PIWIL3: variants seen among roughly 807,000 people sequenced by gnomAD.
PIWIL3 encodes the protein piwi-like protein 3.
A neutral mutation model predicts 109.7 loss-of-function variants in PIWIL3; 101 were observed. The ratio of observed to expected loss-of-function variants is 0.92; its 90% CI spans 0.78 to 1.09. The LOEUF is 1.09. Ranked by LOEUF, PIWIL3 falls within the 50% of genes least tolerant of loss-of-function variation. The pLI is 0.00. For missense variants in PIWIL3, 1,031 were observed against 1,072.6 expected (o/e 0.96, Z 0.54); for synonymous variants, 373 against 376.4 (o/e 0.99, Z 0.10).
At chr22:24,748,328 C>T (rs934765462) in intron 12 of PIWIL3, among the ~76,000 whole-genome samples, 1 of 151,866 alleles carries the variant, frequency 6.6e-6, no homozygotes, top group Non-Finnish European at 1.5e-5. Context: ...TTAATGGGTA[C>T]AAAAAATAGA....
chr22:24,750,935 C>A (rs1056388791), intron 9 of PIWIL3, among the ~76,000 whole-genome samples: 4 of 151,198 alleles, frequency 2.6e-5, no homozygotes, highest in Non-Finnish European at 5.9e-5. Context: ...GCCAGCCTGA[C>A]CAATATGGTG....
chr22:24,744,875 A>G (rs1008035142), intron 12 of PIWIL3, among the ~76,000 whole-genome samples: 6 of 152,202 alleles, frequency 3.9e-5, no homozygotes, highest in Admixed American at 1.3e-4. Flanking sequence ...AACCTGCACT[A>G]TACACCAGAG....
At chr22:24,746,544 T>A (rs1408222064) in intron 12 of PIWIL3, among the ~76,000 whole-genome samples, 9 of 151,254 alleles carry the variant, frequency 6.0e-5, no homozygotes, top group Non-Finnish European at 1.5e-5. Flanking sequence ...AACATAGTAC[T>A]AGAAGTCCTA....
intron 8 of PIWIL3, among the ~76,000 whole-genome samples, chr22:24,752,631 C>T (rs1430636722): frequency 1.3e-5 from 2 of 152,186 alleles, no homozygotes; most frequent in Non-Finnish European, 2.9e-5. Context: ...CGCTCCTAAA[C>T]CCACACTTTG....
chr22:24,739,937 G>A (rs1923887734), intron 12 of PIWIL3, among the ~76,000 whole-genome samples: 1 of 151,754 alleles, frequency 6.6e-6, no homozygotes, highest in African/African-American at 2.4e-5. Flanking sequence ...TGTAGTCCCA[G>A]CTACTCAGGA....
chr22:24,743,634 C>T (rs1017028194), intron 12 of PIWIL3, among the ~76,000 whole-genome samples: 7 of 151,904 alleles, frequency 4.6e-5, no homozygotes, highest in Admixed American at 3.3e-4. Flanking sequence ...GATGCAAAGG[C>T]GTAAGAATGA....
At chr22:24,737,563 AG>A (rs1923731986) in intron 12 of PIWIL3, among the ~76,000 whole-genome samples, 3 of 152,212 alleles carry the variant, frequency 2.0e-5, no homozygotes, top group African/African-American at 7.2e-5. Context: ...TAGAGGGAAA[AG>A]TGGAAGAGTA....
intron 13 of PIWIL3, among the ~76,000 whole-genome samples, chr22:24,735,118 G>C (rs1201579477): frequency 6.6e-6 from 1 of 152,178 alleles, no homozygotes; most frequent in Non-Finnish European, 1.5e-5. Flanking sequence ...GTGGTAGGAA[G>C]GGATAATTAG....
chr22:24,770,110 G>A (rs556842727), intron 1 of PIWIL3, among the ~76,000 whole-genome samples: 45 of 152,338 alleles, frequency 3.0e-4, no homozygotes, highest in African/African-American at 1.0e-3. Context: ...ACCCTGCTAA[G>A]CGCTTTATGT....
intron 6 of PIWIL3, among the ~76,000 whole-genome samples, chr22:24,755,155 C>G (rs1185489739): frequency 1.3e-5 from 2 of 152,176 alleles, no homozygotes; most frequent in Non-Finnish European, 2.9e-5. Context: ...CAGAGTCTCG[C>G]TCTGTTGCCC....
chr22:24,751,234 G>A (rs1009861663), intron 9 of PIWIL3, among the ~76,000 whole-genome samples, 153 bp downstream of exon 9: 1 of 152,102 alleles, frequency 6.6e-6, no homozygotes, highest in Non-Finnish European at 1.5e-5. Context: ...CAAGGCACGT[G>A]GATGCATGGA....
chr22:24,765,504 ATTTGTATTTCTT>A (rs1208239728), intron 1 of PIWIL3, among the ~76,000 whole-genome samples: 1 of 152,186 alleles, frequency 6.6e-6, no homozygotes, highest in African/African-American at 2.4e-5. Context: ...TTAAATGTGA[ATTTGTATTTCTT>A]TTTAATTATT....
chr22:24,749,150 C>T (rs1924552881), intron 11 of PIWIL3, 129 bp from the exon 12 acceptor site: 2 of 853,904 alleles, frequency 2.3e-6, no homozygotes, highest in Middle Eastern at 2.6e-4. Flanking sequence ...TGCGGCAGTA[C>T]CTTCCCTGAA....
chr22:24,751,897 T>C (rs2147699844), intron 8 of PIWIL3, among the ~76,000 whole-genome samples: 1 of 152,388 alleles, frequency 6.6e-6, no homozygotes, highest in East Asian at 1.9e-4. Flanking sequence ...ATCCATGCTG[T>C]AGTAAGTCTT....
At chr22:24,754,391 A>G (rs1398418158) in intron 7 of PIWIL3, among the ~76,000 whole-genome samples, 174 bp from the exon 8 acceptor site, 2 of 152,200 alleles carry the variant, frequency 1.3e-5, no homozygotes, top group East Asian at 3.8e-4. Flanking sequence ...TTTTTGTTCA[A>G]CTATGTTTTG....
At chr22:24,749,886 CA>C in intron 9 of PIWIL3, 67 bp from the exon 10 acceptor site, 1 of 1,610,364 alleles carries the variant, frequency 6.2e-7, no homozygotes, top group East Asian at 2.2e-5. Context: ...CACAGAGGTT[CA>C]AAAGTGCATG....
At position 24,734,154 on chromosome 22, in the gene PIWIL3, A is replaced by G. The variant is rs1569099584; in HGVS notation, c.1637T>C (p.Ile546Thr). 9.9e-6 allele frequency: 16 copies of G among 1,610,966 alleles called. No homozygotes were observed. Among genetic ancestry groups the G allele is most frequent in the Non-Finnish European group, 1.4e-5 (16 of 1,179,100 alleles). ...GGAGTTAGCATCACCATCTACTTCA[A>G]TCCTAAAAAATAAATATAGCATCCA... ...MGITMKPAEM[I>T]EVDGDANSYI... is the part of the protein sequence containing the mutation. Residue 546 changes from isoleucine (I) to threonine (T), a missense_variant and splice_region_variant, in exon 14 of 21, where the codon ATT becomes ACT. Transcript: ENST00000616349.
chr22:24,755,575 G>T (rs1307187173), intron 6 of PIWIL3, among the ~76,000 whole-genome samples: 4 of 152,112 alleles, frequency 2.6e-5, no homozygotes, highest in African/African-American at 9.7e-5. Flanking sequence ...AACGGGCATC[G>T]GCCAGGAGAA....
chr22:24,767,596 C>A (rs974578177), intron 1 of PIWIL3, among the ~76,000 whole-genome samples: 5 of 149,878 alleles, frequency 3.3e-5, no homozygotes, highest in African/African-American at 9.8e-5. Context: ...AAAGACAAAG[C>A]AGAATACGTC....
Sources: allele counts gnomAD v4.1 joint callset (sites outside exome capture counted in the v4.1 genomes callset), GRCh38; gene constraint gnomAD v4.1.1; transcripts MANE v1.5; gene names NCBI Gene and HGNC (gene_info 2026-07-23, HGNC 2026-07-21).